SHC4: variants seen among roughly 807,000 people sequenced by gnomAD.
SHC4 encodes the protein SHC adaptor protein 4.
In SHC4, 41 loss-of-function variants were observed where a neutral mutation model predicts 69.4. That is an observed-to-expected ratio of 0.59 (90% CI 0.46 to 0.77). The LOEUF (loss-of-function observed/expected upper bound fraction) is 0.77. SHC4 is among the 30% of genes least tolerant of loss of function. The probability of loss-of-function intolerance (pLI) is 0.00; values close to 1 mark genes in which losing one functional copy is unlikely to be tolerated. For missense variants in SHC4, 777 were observed against 783.8 expected (o/e 0.99, Z 0.10); for synonymous variants, 318 against 299.3 (o/e 1.06, Z -0.64).
rs1898649088 is a variant in SHC4, at chr15:48,824,381, T to C, written c.*1590A>G. 1 of 150,632 alleles carries C rather than the reference T, an allele frequency of 6.6e-6. No homozygotes were observed. The highest frequency in any genetic ancestry group is 1.5e-5 in the Non-Finnish European group (1 of 67,704). 9.3% of individuals were successfully genotyped at this position (150,632 alleles called of 1,614,324 possible). A position where few individuals can be genotyped will look rare whatever the true frequency, so the allele number is the denominator to read the frequency against. On this transcript the variant is annotated 3_prime_UTR_variant, in exon 12 of 12. Coordinates refer to ENST00000332408, the MANE Select transcript of SHC4 (RefSeq NM_203349.4). ...TTGTATCTACATAGCCAAAATGAAA[T>C]GGAGTCAAGGCAATATCCAGATAAC...
At chr15:48,916,191 G>A (rs996890557) in intron 2 of SHC4, among the ~76,000 whole-genome samples, 15 of 151,676 alleles carry the variant, frequency 9.9e-5, no homozygotes, top group African/African-American at 3.6e-4. Context: ...TTCTAGAGTT[G>A]ACGTTTATTG....
chr15:48,962,214 G>A (rs780069223), intron 1 of SHC4, among the ~76,000 whole-genome samples: 3 of 152,110 alleles, frequency 2.0e-5, no homozygotes, highest in Non-Finnish European at 4.4e-5. Context: ...AGTTAGCACC[G>A]GTTCATGTCC....
In SHC4 at chr15:48,917,484, C is replaced by T. The variant is rs76328686; in HGVS notation, c.656+7395G>A. ...GTTCCGGACATTTTAAAGACAACTG[C>T]GGCTAGGAAACTTTGTTTTCCTAAT... is the stretch of plus-strand genomic sequence containing the variant. On this transcript the variant is annotated intron_variant, in intron 2 of 11. Coordinates refer to ENST00000332408, the MANE Select transcript of SHC4 (RefSeq NM_203349.4). Among the ~76,000 whole-genome samples the T allele has an allele frequency of 2.8e-4, 42 of 152,222 alleles. 1 individual carries two copies. The East Asian group carries it at 7.5e-3, about 27-fold the overall frequency.
intron 4 of SHC4, chr15:48,878,614 G>T (rs745710358): frequency 6.2e-7 from 1 of 1,614,070 alleles, no homozygotes; most frequent in African/African-American, 1.3e-5. Context: ...TGGATGGCGG[G>T]TTTCAGATGC....
In SHC4 at chr15:48,849,446, T is replaced by G. The variant is rs1305197007; in HGVS notation, c.1303+1742A>C. ...CACTCTTCATATTTGTAGGCATTTG[T>G]TTAAGGTGTGTCTTCCTGGCTAAAC... On this transcript the variant is annotated intron_variant, in intron 9 of 11. Coordinates refer to ENST00000332408, the MANE Select transcript of SHC4 (RefSeq NM_203349.4). Among the ~76,000 whole-genome samples the G allele has an allele frequency of 3.3e-5, 5 of 152,204 alleles. No homozygotes were observed. In the East Asian group the frequency reaches 7.7e-4, roughly 23 times the overall value.
chr15:48,944,601 G>C (rs1317370476), intron 1 of SHC4, among the ~76,000 whole-genome samples: 1 of 152,098 alleles, frequency 6.6e-6, no homozygotes, highest in Non-Finnish European at 1.5e-5. Context: ...CTGAATCCCT[G>C]GCCAACCTAC....
At chr15:48,936,037 G>A (rs1369096345) in intron 1 of SHC4, among the ~76,000 whole-genome samples, 1 of 151,996 alleles carries the variant, frequency 6.6e-6, no homozygotes, top group East Asian at 1.9e-4. Context: ...TTATGTATTT[G>A]TTGGCTATCT....
chr15:48,907,713 T>A (rs1028121289), intron 2 of SHC4, among the ~76,000 whole-genome samples: 1 of 151,984 alleles, frequency 6.6e-6, no homozygotes, highest in Non-Finnish European at 1.5e-5. Context: ...TCCAGTCTCA[T>A]CCAGGTCACT....
intron 1 of SHC4, among the ~76,000 whole-genome samples, chr15:48,949,387 A>AT: frequency 6.6e-6 from 1 of 151,536 alleles, no homozygotes; most frequent in East Asian, 1.9e-4. Context: ...AAAAAAAAAA[A>AT]CCTTAGGGAG....
chr15:48,952,438 T>C (rs770296232), intron 1 of SHC4, among the ~76,000 whole-genome samples: 10 of 152,152 alleles, frequency 6.6e-5, no homozygotes, highest in Admixed American at 1.3e-4. Flanking sequence ...TAGGATACCA[T>C]GATTAAGATA....
chr15:48,955,097 T>C (rs77333210), intron 1 of SHC4, among the ~76,000 whole-genome samples: 80 of 152,268 alleles, frequency 5.3e-4, no homozygotes, highest in Non-Finnish European at 1.1e-3. Flanking sequence ...GCAGGATCCC[T>C]CTCTTGGGTT....
chr15:48,917,669 T>TC (rs982798665), intron 2 of SHC4, among the ~76,000 whole-genome samples: 50 of 152,128 alleles, frequency 3.3e-4, no homozygotes, highest in African/African-American at 1.1e-3. Flanking sequence ...TTCAAGTGGC[T>TC]CCCCCAGGGA....
At chr15:48,839,892 A>G (rs1324629142) in intron 10 of SHC4, among the ~76,000 whole-genome samples, 1 of 152,220 alleles carries the variant, frequency 6.6e-6, no homozygotes, top group African/African-American at 2.4e-5. Flanking sequence ...ATTACATTAC[A>G]GAACTCCTAA....
chr15:48,886,723 G>C (rs1250797391), intron 3 of SHC4, among the ~76,000 whole-genome samples: 2 of 152,200 alleles, frequency 1.3e-5, no homozygotes, highest in Admixed American at 6.5e-5. Context: ...ATACAGCGAA[G>C]TGCTAACAAA....
chr15:48,878,444 G>A (rs764215628), intron 4 of SHC4: 16 of 1,613,072 alleles, frequency 9.9e-6, no homozygotes, highest in Admixed American at 3.3e-5. Context: ...CCAGGTGGCG[G>A]GCGCAGACTT....
chr15:48,829,634 T>A (rs924091215), intron 11 of SHC4, among the ~76,000 whole-genome samples: 1 of 152,112 alleles, frequency 6.6e-6, no homozygotes, highest in African/African-American at 2.4e-5. Context: ...CTAAAGTGAG[T>A]CCTTGCCAGG....
At chr15:48,920,728 T>C (rs1319953587) in intron 2 of SHC4, among the ~76,000 whole-genome samples, 1 of 152,126 alleles carries the variant, frequency 6.6e-6, no homozygotes, top group Non-Finnish European at 1.5e-5. Context: ...CTAGAATTTG[T>C]CCTTTGGAAA....
chr15:48,831,965 C>G (rs1567047525), intron 11 of SHC4, among the ~76,000 whole-genome samples: 1 of 152,194 alleles, frequency 6.6e-6, no homozygotes, highest in Non-Finnish European at 1.5e-5. Flanking sequence ...CTATATTTCT[C>G]TTTCATTTTT....
intron 1 of SHC4, among the ~76,000 whole-genome samples, chr15:48,941,243 T>A (rs1009329859): frequency 2.6e-5 from 4 of 152,120 alleles, no homozygotes; most frequent in Admixed American, 2.6e-4. Context: ...GAGGAAGAAG[T>A]TGTTGACTGA....
Sources: allele counts gnomAD v4.1 joint callset (sites outside exome capture counted in the v4.1 genomes callset), GRCh38; gene constraint gnomAD v4.1.1; transcripts MANE v1.5; gene names NCBI Gene and HGNC (gene_info 2026-07-23, HGNC 2026-07-21).